FAM135B: variants seen among roughly 807,000 people sequenced by gnomAD.
The protein encoded by FAM135B is protein FAM135B.
Under a neutral mutation model 127.7 loss-of-function variants are expected in FAM135B, and 43 were observed. The ratio of observed to expected loss-of-function variants is 0.34; its 90% CI spans 0.26 to 0.43. The LOEUF (loss-of-function observed/expected upper bound fraction) is 0.43, where lower values mean the gene tolerates loss of function less well. FAM135B is among the 20% of genes least tolerant of loss of function. The pLI, the probability that FAM135B is intolerant of heterozygous loss-of-function variation, is 1.00. For synonymous variants in FAM135B, 670 were observed against 665.1 expected (o/e 1.01, Z -0.11); for missense variants, 1,558 against 1,725.6 (o/e 0.90, Z 1.72).
At chr8:138,406,519 T>C (rs1833503931) in intron 1 of FAM135B, among the ~76,000 whole-genome samples, 2 of 151,808 alleles carry the variant, frequency 1.3e-5, no homozygotes, top group East Asian at 1.9e-4. Context: ...AATAAAATAC[T>C]GGCAAACAGA....
chr8:138,227,714 C>CTTTTTT (rs761660500), intron 7 of FAM135B, among the ~76,000 whole-genome samples: 1 of 81,824 alleles, frequency 1.2e-5, no homozygotes, highest in Non-Finnish European at 2.5e-5. Context: ...TTTTGTCTCT[C>CTTTTTT]TTTTTTTTTT....
chr8:138,158,827 C>T (rs1190513700), intron 12 of FAM135B, among the ~76,000 whole-genome samples: 2 of 152,146 alleles, frequency 1.3e-5, no homozygotes, highest in African/African-American at 4.8e-5. Context: ...AATAGGAACA[C>T]TTTTACACTG....
chr8:138,330,963 C>G (rs1828130243), intron 2 of FAM135B, among the ~76,000 whole-genome samples: 1 of 152,044 alleles, frequency 6.6e-6, no homozygotes, highest in South Asian at 2.1e-4. Flanking sequence ...CTGCCTCAGC[C>G]TCCCGAGTAG....
intron 2 of FAM135B, among the ~76,000 whole-genome samples, chr8:138,348,687 A>G (rs116292155): frequency 6.6e-6 from 1 of 152,292 alleles, no homozygotes; most frequent in African/African-American, 2.4e-5. Context: ...TGAACCTTTA[A>G]AATCTACCTT....
chr8:138,151,791 G>A lies in FAM135B; in HGVS notation c.2684C>T (p.Ser895Phe), dbSNP rs1249794738. 1.2e-6 allele frequency: 2 copies of A among 1,614,156 alleles called. No homozygotes were observed. The highest frequency in any genetic ancestry group is 2.2e-5 in the South Asian group (2 of 91,086). The stretch of plus-strand genomic sequence containing the variant: ...GGTTTCCTCAAGTGCTCTATGAAGA[G>A]ATCTGGTCCTGGGGTTTTCAAGTGC... ...VIALENPRTRSLHRALEETPK... is the reference protein window; with the variant it reads ...VIALENPRTRFLHRALEETPK... Residue 895 changes from serine to phenylalanine, a missense_variant, in exon 13 of 20, where the codon TCT becomes TTT. Physicochemically the swap from Ser to Phe is radical, Grantham distance 155. This residue lies in a region of FAM135B where 923 missense variants were observed against 865.3 expected (regional missense o/e 1.07). Transcript: ENST00000395297.
At chr8:138,192,734 C>T (rs1464934794) in intron 9 of FAM135B, among the ~76,000 whole-genome samples, 1 of 152,112 alleles carries the variant, frequency 6.6e-6, no homozygotes, top group Non-Finnish European at 1.5e-5. Context: ...AACTCAGATC[C>T]CCAAATGCCT....
chr8:138,365,292 G>A (rs952448500), intron 2 of FAM135B, among the ~76,000 whole-genome samples: 6 of 152,176 alleles, frequency 3.9e-5, no homozygotes, highest in Non-Finnish European at 8.8e-5. Flanking sequence ...AGAAAAAAGG[G>A]AAGAGTATCC....
rs547543061 is a variant in FAM135B at position 138,236,606 on chromosome 8, T to A, written c.669+6336A>T. Among the ~76,000 whole-genome samples the A allele has an allele frequency of 2.0e-5, 3 of 152,318 alleles. No homozygotes were observed. The South Asian group carries it at 6.2e-4, about 32-fold the overall frequency. On this transcript the variant is annotated intron_variant, in intron 7 of 19. Coordinates refer to ENST00000395297, the MANE Select transcript of FAM135B (RefSeq NM_015912.4). ...GCTCAGCTGTGTGGCAGCAGTGACATACTTAAACTCTCCCAGTCTCAATGT... is the reference window on the plus strand; with the variant it reads ...GCTCAGCTGTGTGGCAGCAGTGACAAACTTAAACTCTCCCAGTCTCAATGT...
At chr8:138,204,343 C>T (rs1184539359) in intron 7 of FAM135B, among the ~76,000 whole-genome samples, 1 of 152,232 alleles carries the variant, frequency 6.6e-6, no homozygotes, top group Admixed American at 6.5e-5. Flanking sequence ...CTCATGCATA[C>T]TTCATTAGAC....
In FAM135B at chr8:138,221,469, G is replaced by T. The variant is rs115911713; in HGVS notation, c.669+21473C>A. On this transcript the variant is annotated intron_variant, in intron 7 of 19. Coordinates refer to ENST00000395297, the MANE Select transcript of FAM135B (RefSeq NM_015912.4). ...CACTGGGGATTAGAATTCAACATGAGATTTGGTGAGGACACGGATTCAAAC... is the reference window on the plus strand; with the variant it reads ...CACTGGGGATTAGAATTCAACATGATATTTGGTGAGGACACGGATTCAAAC... 2.2e-3 allele frequency among the ~76,000 whole-genome samples: 342 copies of T among 152,296 alleles called. 1 individual carries two copies. Among genetic ancestry groups the T allele is most frequent in the African/African-American group, 7.9e-3 (330 of 41,572 alleles).
chr8:138,265,748 A>C lies in FAM135B; in HGVS notation c.252T>G (p.Asn84Lys). The C allele has an allele frequency of 4.3e-6, 7 of 1,614,120 alleles. No individual in the cohort carries two copies. Among genetic ancestry groups the C allele is most frequent in the African/African-American group, 1.3e-5 (1 of 75,028 alleles). The change falls in exon 4 of 20, where the codon AAT (asparagine) becomes AAG (lysine). Residue 84 changes from asparagine (N) to lysine (K), a missense_variant. By Grantham distance (94) the Asn-to-Lys change is moderately conservative. This residue lies in a region of FAM135B where 199 missense variants were observed against 245.7 expected (regional missense o/e 0.81). Transcript: ENST00000395297. ...ILYRNEEVPI[N>K]DAVVFRVHLL... ...AATGAACTCGGAAGACCACAGCATC[A>C]TTTATGGGTACCTCTTCATTCCGGT...
At chr8:138,254,678 A>G (rs1188837341) in intron 5 of FAM135B, among the ~76,000 whole-genome samples, 2 of 152,184 alleles carry the variant, frequency 1.3e-5, no homozygotes, top group African/African-American at 4.8e-5. Context: ...TCAAGTCTCT[A>G]CACTATCCTG....
chr8:138,208,093 C>T (rs4909755), intron 7 of FAM135B, among the ~76,000 whole-genome samples: 109,405 of 151,998 alleles, frequency 0.72, 39,631 homozygotes, highest in East Asian at 0.82. Flanking sequence ...ACTGAGGTTA[C>T]CACCACTCCA....
At chr8:138,319,117 T>C (rs931986843) in intron 2 of FAM135B, among the ~76,000 whole-genome samples, 3 of 152,130 alleles carry the variant, frequency 2.0e-5, no homozygotes, top group Admixed American at 2.0e-4. Flanking sequence ...TGTTTGTTTG[T>C]TTGTTTTGAG....
Position 138,152,209 on chromosome 8 carries a change from C to T in FAM135B, c.2266G>A (p.Glu756Lys). 1 of 1,614,164 alleles carries T rather than the reference C, an allele frequency of 6.2e-7. No individual in the cohort carries two copies. Among genetic ancestry groups the T allele is most frequent in the Middle Eastern group, 1.6e-4 (1 of 6,062 alleles). The change falls in exon 13 of 20, where the codon GAG (glutamate) becomes AAG (lysine). Residue 756 changes from glutamate (E) to lysine (K), a missense_variant. Physicochemically the swap from Glu to Lys is moderately conservative, Grantham distance 56. Around this residue, in one of 5 missense-constraint regions of FAM135B, gnomAD observed 923 missense variants for 865.3 expected, o/e 1.07. Transcript: ENST00000395297. ...AGTGCCACCTCCCGCTCATCCTCCT[C>T]AAAAGGTAAAGAGCTAATGGAGGTG... ...SLTSISSLPF[E>K]EDEREVALTK...
At chr8:138,427,919 C>T (rs934909062) in intron 1 of FAM135B, among the ~76,000 whole-genome samples, 14 of 152,116 alleles carry the variant, frequency 9.2e-5, no homozygotes, top group African/African-American at 2.4e-4. Context: ...CCAGATGGTT[C>T]CATCTTCTCA....
At chr8:138,214,519 A>G (rs1037985106) in intron 7 of FAM135B, among the ~76,000 whole-genome samples, 3 of 152,216 alleles carry the variant, frequency 2.0e-5, no homozygotes, top group African/African-American at 7.2e-5. Context: ...TAGGAGTCTG[A>G]TAAGTGCTAT....
intron 1 of FAM135B, among the ~76,000 whole-genome samples, chr8:138,370,009 C>G (rs1253124447): frequency 6.6e-6 from 1 of 152,150 alleles, no homozygotes; most frequent in Non-Finnish European, 1.5e-5. Flanking sequence ...AGCCTACCAT[C>G]TACTACACAC....
intron 12 of FAM135B, among the ~76,000 whole-genome samples, chr8:138,160,419 C>T (rs960051536): frequency 4.6e-5 from 7 of 151,990 alleles, no homozygotes; most frequent in Admixed American, 4.6e-4. Flanking sequence ...GATGGAGTCT[C>T]GTTCTGTGGC....
Sources: allele counts gnomAD v4.1 joint callset (sites outside exome capture counted in the v4.1 genomes callset), GRCh38; gene constraint gnomAD v4.1.1; regional missense constraint gnomAD v4.1.1; transcripts MANE v1.5; gene names NCBI Gene and HGNC (gene_info 2026-07-23, HGNC 2026-07-21).